Variants in CDC123 observed in about 807,000 individuals in gnomAD.
The protein encoded by CDC123 is translation initiation factor eIF2 assembly protein.
In CDC123, 37 loss-of-function variants were observed where a neutral mutation model predicts 54.4. The ratio of observed to expected loss-of-function variants is 0.68; its 90% confidence interval spans 0.52 to 0.89. CDC123 has a LOEUF of 0.89. Among genes scored for constraint, CDC123 ranks in the 40% least tolerant of loss-of-function variants. CDC123 has a pLI of 0.00. For missense variants in CDC123, 361 were observed against 412.1 expected (o/e 0.88, Z 1.07); for synonymous variants, 144 against 136.8 (o/e 1.05, Z -0.37).
At chr10:12,207,538 G>C (rs1405322516) in intron 2 of CDC123, among the ~76,000 whole-genome samples, 1 of 152,044 alleles carries the variant, frequency 6.6e-6, no homozygotes, top group African/African-American at 2.4e-5. Context: ...TTAAGAGTGA[G>C]GAGGACACAC....
intron 6 of CDC123, among the ~76,000 whole-genome samples, chr10:12,226,955 G>A (rs1026504499): frequency 7.9e-5 from 12 of 152,268 alleles, no homozygotes; most frequent in Non-Finnish European, 1.5e-4. Flanking sequence ...CTGCACTCCA[G>A]CCTGGGCAAC....
chr10:12,244,558 G>A (rs1400291975), intron 10 of CDC123, among the ~76,000 whole-genome samples: 1 of 151,750 alleles, frequency 6.6e-6, no homozygotes, highest in South Asian at 2.1e-4. Context: ...TCCCTGAGGA[G>A]AGTCACCAAA....
chr10:12,204,741 C>T (rs1027109341), intron 2 of CDC123, among the ~76,000 whole-genome samples: 4 of 152,066 alleles, frequency 2.6e-5, no homozygotes, highest in Non-Finnish European at 5.9e-5. Flanking sequence ...CCTGTAATTC[C>T]AGCACTTTTG....
intron 4 of CDC123, among the ~76,000 whole-genome samples, chr10:12,213,178 A>G (rs144239440): frequency 1.2e-4 from 19 of 152,362 alleles, no homozygotes; most frequent in African/African-American, 3.4e-4. Context: ...TTTTCTAAGT[A>G]TCTTCACCCA....
chr10:12,226,349 C>T (rs924773062), intron 6 of CDC123, among the ~76,000 whole-genome samples: 10 of 148,544 alleles, frequency 6.7e-5, no homozygotes, highest in South Asian at 2.2e-4. Context: ...GCTGGCCGGG[C>T]GGGGGCTGCC....
chr10:12,245,537 G>A (rs1836120703), intron 10 of CDC123: 2 of 152,324 alleles, frequency 1.3e-5, no homozygotes, highest in Admixed American at 6.6e-5. Flanking sequence ...GATTACAGGT[G>A]TGAGCCACCA....
chr10:12,242,149 C>T (rs1836066978), intron 10 of CDC123, among the ~76,000 whole-genome samples: 1 of 152,242 alleles, frequency 6.6e-6, no homozygotes, highest in Non-Finnish European at 1.5e-5. Flanking sequence ...CCTATTCCCG[C>T]AACAGGCGGT....
rs770706077 is a variant in CDC123, at chr10:12,249,675, C to T, written c.941C>T (p.Ser314Phe). ...CTACCCAAGGACTTTGTAGACCTCT[C>T]TACTGGGGAGGACGCTCACAAGCTA... ...YRLPKDFVDLSTGEDAHKLID... is the reference protein window; with the variant it reads ...YRLPKDFVDLFTGEDAHKLID... The change falls in exon 12 of 13, where the codon TCT becomes TTT. Residue 314 changes from serine (S) to phenylalanine (F), a missense_variant. Coordinates refer to ENST00000281141, the MANE Select transcript of CDC123 (RefSeq NM_006023.3). 5 of 1,614,028 alleles carry T rather than the reference C, an allele frequency of 3.1e-6. No individual in the cohort carries two copies. In the South Asian group the frequency reaches 5.5e-5, roughly 18 times the overall value.
chr10:12,218,049 C>G (rs982680244), intron 6 of CDC123, among the ~76,000 whole-genome samples: 10 of 152,016 alleles, frequency 6.6e-5, no homozygotes, highest in Non-Finnish European at 1.2e-4. Context: ...AGATTGCGTG[C>G]CACTGCACTG....
intron 2 of CDC123, among the ~76,000 whole-genome samples, chr10:12,199,113 A>C (rs1835404800): frequency 2.6e-5 from 4 of 152,200 alleles, no homozygotes. Flanking sequence ...GACGATTAAA[A>C]ATTCACTGTT....
intron 10 of CDC123, chr10:12,245,865 G>T: frequency 4.0e-6 from 1 of 250,704 alleles, no homozygotes; most frequent in Non-Finnish European, 7.7e-6. Flanking sequence ...GAACCCAAGA[G>T]TTCAAGACCA....
chr10:12,236,799 CAGG>C (rs1194240257), intron 8 of CDC123, among the ~76,000 whole-genome samples: 7 of 151,746 alleles, frequency 4.6e-5, no homozygotes, highest in African/African-American at 1.7e-4. Flanking sequence ...GAGGCTGAGG[CAGG>C]AGAATCGCTT....
intron 10 of CDC123, among the ~76,000 whole-genome samples, chr10:12,240,882 A>G (rs761826104): frequency 2.6e-5 from 4 of 152,174 alleles, no homozygotes; most frequent in African/African-American, 4.8e-5. Flanking sequence ...GCAGTCTGCC[A>G]TGGTGAATAA....
intron 12 of CDC123, 86 bp from the exon 13 acceptor site, chr10:12,250,225 C>T: frequency 1.3e-6 from 1 of 773,486 alleles, no homozygotes; most frequent in Non-Finnish European, 2.1e-6. Context: ...ACATCCTTTG[C>T]CAAGACCTCT....
chr10:12,216,562 TCAG>T (rs1432503598), intron 5 of CDC123, among the ~76,000 whole-genome samples: 1 of 152,194 alleles, frequency 6.6e-6, no homozygotes, highest in Non-Finnish European at 1.5e-5. Context: ...GCCATGAAAA[TCAG>T]CAGGTCTTGA....
At chr10:12,198,681 C>T (rs12775058) in intron 1 of CDC123, 24 bp from the exon 2 acceptor site, 33,547 of 1,333,326 alleles carry the variant, frequency 0.025, 549 homozygotes, top group Non-Finnish European at 0.03. Context: ...TAAAATGATG[C>T]CTTTTTTGGT....
chr10:12,250,290 C>A, intron 12 of CDC123, 21 bp from the exon 13 acceptor site: 2 of 1,530,894 alleles, frequency 1.3e-6, no homozygotes, highest in Non-Finnish European at 1.8e-6. Flanking sequence ...ATTTTAACAT[C>A]CCCTTGGTTT....
chr10:12,216,611 G>T (rs1203066038), intron 5 of CDC123, among the ~76,000 whole-genome samples: 1 of 152,130 alleles, frequency 6.6e-6, no homozygotes, highest in African/African-American at 2.4e-5. Flanking sequence ...ACTCCCCAGA[G>T]GTAGCTGTTT....
intron 6 of CDC123, among the ~76,000 whole-genome samples, chr10:12,222,745 T>A (rs917360886): frequency 6.6e-6 from 1 of 152,212 alleles, no homozygotes; most frequent in Non-Finnish European, 1.5e-5. Flanking sequence ...TTGATTTGTC[T>A]TAGTAATTTT....
Sources: gnomAD v4.1 joint callset for allele counts (sites outside exome capture counted in the v4.1 genomes callset) on GRCh38, gnomAD v4.1.1 for gene constraint, MANE v1.5 for transcripts, NCBI Gene and HGNC (gene_info 2026-07-23, HGNC 2026-07-21) for gene names.